FAM124A: variants seen among roughly 807,000 people sequenced by gnomAD.
The protein encoded by FAM124A is protein FAM124A.
Under a neutral mutation model 24.5 loss-of-function variants are expected in FAM124A, and 23 were observed. That is an observed-to-expected ratio of 0.94 (90% CI 0.68 to 1.33). The LOEUF (loss-of-function observed/expected upper bound fraction) is 1.33. Ranked by LOEUF, FAM124A falls within the 40% of genes most tolerant of loss-of-function variation. The pLI is 0.00. For missense variants in FAM124A, 623 were observed against 722.8 expected (o/e 0.86, Z 1.58); for synonymous variants, 287 against 314.7 (o/e 0.91, Z 0.93).
chr13:51,247,841 T>G (rs1167707227), intron 2 of FAM124A, among the ~76,000 whole-genome samples: 4 of 152,194 alleles, frequency 2.6e-5, no homozygotes, highest in South Asian at 2.1e-4. Flanking sequence ...GCAGAAAATT[T>G]CATCGCAGCT....
At chr13:51,224,577 C>T (rs1235876996) in intron 1 of FAM124A, among the ~76,000 whole-genome samples, 3 of 152,180 alleles carry the variant, frequency 2.0e-5, no homozygotes, top group Admixed American at 1.3e-4. Flanking sequence ...CATATATTCA[C>T]AGAGCCCTTG....
chr13:51,253,864 G>A (rs553216771), intron 3 of FAM124A, among the ~76,000 whole-genome samples: 72 of 152,276 alleles, frequency 4.7e-4, no homozygotes, highest in Admixed American at 2.2e-3. Context: ...TTGTATCTTG[G>A]GACTCAGGCA....
intron 2 of FAM124A, among the ~76,000 whole-genome samples, chr13:51,233,362 G>A (rs1248056577): frequency 6.6e-6 from 1 of 152,004 alleles, no homozygotes; most frequent in East Asian, 1.9e-4. Flanking sequence ...TGCCAGCTGA[G>A]CCATCCCCAC....
intron 3 of FAM124A, among the ~76,000 whole-genome samples, chr13:51,278,162 G>T (rs1954901749): frequency 6.6e-6 from 1 of 152,192 alleles, no homozygotes. Context: ...GCTGTCACTT[G>T]GAGCAGCTCA....
intron 2 of FAM124A, among the ~76,000 whole-genome samples, chr13:51,232,304 C>CTTAT (rs10678476): frequency 0.33 from 50,432 of 151,766 alleles, 8,599 homozygotes; most frequent in East Asian, 0.6. Context: ...TGATTGAATA[C>CTTAT]TTATTTTAAA....
chr13:51,252,268 C>A, intron 3 of FAM124A, 67 bp downstream of exon 3: 1 of 1,547,556 alleles, frequency 6.5e-7, no homozygotes, highest in South Asian at 1.2e-5. Flanking sequence ...GCCTCAAACA[C>A]TATAGTACCA....
In FAM124A at chr13:51,281,128, AC is replaced by A. The variant is rs1489581218; in HGVS notation, c.1516del (p.Leu506SerfsTer74). 6.2e-7 allele frequency: 1 copy of A among 1,613,540 alleles called. No homozygotes were observed. Among genetic ancestry groups the A allele is most frequent in the Non-Finnish European group, 8.5e-7 (1 of 1,179,890 alleles). The stretch of plus-strand genomic sequence containing the variant: ...TGCTCCCCCAGCTCCCAGCACCTCC[AC>A]CCTCACAGACTCCTCCCCACAGCTC... ...RAAPPAPSTS[T>X]LTDSSPQLPC... On this transcript the variant is annotated frameshift_variant, in exon 4 of 4. Transcript: ENST00000322475. LOFTEE classifies it low-confidence loss of function (END_TRUNC).
intron 3 of FAM124A, among the ~76,000 whole-genome samples, chr13:51,263,202 C>T (rs938074775): frequency 1.3e-5 from 2 of 152,232 alleles, no homozygotes; most frequent in African/African-American, 4.8e-5. Context: ...CGTCCATCTG[C>T]TCCTGAAAAG....
In FAM124A at chr13:51,235,025, C is replaced by T. The variant is rs970476560; in HGVS notation, c.100+3646C>T. On this transcript the variant is annotated intron_variant, in intron 2 of 3. Coordinates refer to ENST00000322475, the MANE Select transcript of FAM124A (RefSeq NM_001242312.2). ...ACTTCGCTGACTTGTCCTCTGTCCC[C>T]GTCCAGATCCGGGGGATGTGACCGG... 7.2e-5 allele frequency among the ~76,000 whole-genome samples: 11 copies of T among 152,314 alleles called. No individual in the cohort carries two copies. In the South Asian group the frequency reaches 1.0e-3, roughly 14 times the overall value.
At position 51,251,857 on chromosome 13, in the gene FAM124A, C is replaced by A. The variant is rs1265067339; in HGVS notation, c.490C>A (p.Pro164Thr). The A allele has an allele frequency of 6.2e-7, 1 of 1,612,944 alleles. No individual in the cohort carries two copies. Among genetic ancestry groups the A allele is most frequent in the Non-Finnish European group, 8.5e-7 (1 of 1,179,592 alleles). ...TGGGACGCCGCTTTGGGCCATCCGG[C>A]CCGTGCACTACGGCAAGGAAATCGT... is the stretch of plus-strand genomic sequence containing the variant. Reference protein sequence around the residue: ...APGTPLWAIRPVHYGKEIVRF... With the variant: ...APGTPLWAIRTVHYGKEIVRF... The change falls in exon 3 of 4, where the codon CCC (proline) becomes ACC (threonine). Residue 164 changes from proline to threonine, a missense_variant. Transcript: ENST00000322475. The surrounding 1 kb of genome is among the most constrained non-coding windows in gnomAD (Gnocchi z 5.3).
intron 3 of FAM124A, among the ~76,000 whole-genome samples, chr13:51,259,453 G>T (rs188279215): frequency 5.5e-4 from 84 of 151,936 alleles, no homozygotes; most frequent in Non-Finnish European, 4.0e-4. Context: ...CCTTCAGAAC[G>T]CAGGGTACCT....
At position 51,272,512 on chromosome 13, in the gene FAM124A, T is replaced by TA. The variant is rs1369798907; in HGVS notation, c.835-7935dup. Among the ~76,000 whole-genome samples the TA allele has an allele frequency of 6.6e-6, 1 of 151,786 alleles. No individual in the cohort carries two copies. The highest frequency in any genetic ancestry group is 1.5e-5 in the Non-Finnish European group (1 of 67,986). ...AAGCAATTGACAGGAGTCGACAAAT[T>TA]AAAGACCACAGGCCAAATCTGGCCT... On this transcript the variant is annotated intron_variant, in intron 3 of 3. Transcript: ENST00000322475. This position sits in a 1 kb window ranked among gnomAD's most constrained non-coding sequence, Gnocchi z 4.2.
chr13:51,276,813 A>C (rs1954889862), intron 3 of FAM124A, among the ~76,000 whole-genome samples: 1 of 152,228 alleles, frequency 6.6e-6, no homozygotes, highest in South Asian at 2.1e-4. Flanking sequence ...TCACGGGCTC[A>C]TTACACAGCA....
chr13:51,250,767 T>C (rs1265125082), intron 2 of FAM124A, among the ~76,000 whole-genome samples: 1 of 151,984 alleles, frequency 6.6e-6, no homozygotes, highest in Non-Finnish European at 1.5e-5. Context: ...GCTCTGGGGG[T>C]CATCCTTCCC....
chr13:51,242,751 A>G (rs1275947535), intron 2 of FAM124A, among the ~76,000 whole-genome samples: 4 of 152,182 alleles, frequency 2.6e-5, no homozygotes, highest in Non-Finnish European at 2.9e-5. Context: ...TATCTGCCTT[A>G]CTTTCTATAT....
intron 3 of FAM124A, among the ~76,000 whole-genome samples, chr13:51,268,090 G>C (rs1035780445): frequency 6.6e-6 from 1 of 152,244 alleles, no homozygotes; most frequent in Non-Finnish European, 1.5e-5. Flanking sequence ...GAAGGAACAG[G>C]ACTTGTTGTG....
At chr13:51,237,254 A>G (rs894152527) in intron 2 of FAM124A, among the ~76,000 whole-genome samples, 1 of 152,206 alleles carries the variant, frequency 6.6e-6, no homozygotes, top group African/African-American at 2.4e-5. Flanking sequence ...ATTGTTTGAT[A>G]TACTGTAGTA....
chr13:51,245,426 CT>C, intron 2 of FAM124A: 1 of 625,164 alleles, frequency 1.6e-6, no homozygotes, highest in Admixed American at 2.5e-5. Context: ...TCAGGTAGCC[CT>C]TTTCTATTGG....
rs751990289 is a variant in FAM124A at position 51,281,277 on chromosome 13, C to G, written c.*21C>G. 8 of 1,530,098 alleles carry G rather than the reference C, an allele frequency of 5.2e-6. No individual in the cohort carries two copies. The highest frequency in any genetic ancestry group is 1.7e-6 in the Non-Finnish European group (2 of 1,143,458). 94.8% of individuals were successfully genotyped at this position (1,530,098 alleles called of 1,614,324 possible). ...TCTGAATGCCCTCTGCTCTTGTTCT[C>G]GAAACACACAAACTCAGAGACACAG... On this transcript the variant is annotated 3_prime_UTR_variant, in exon 4 of 4. Coordinates refer to ENST00000322475, the MANE Select transcript of FAM124A (RefSeq NM_001242312.2).
Sources: gnomAD v4.1 joint callset for allele counts (sites outside exome capture counted in the v4.1 genomes callset) on GRCh38, gnomAD v4.1.1 for gene constraint, Gnocchi (gnomAD v3.1) non-coding constraint, MANE v1.5 for transcripts, NCBI Gene and HGNC (gene_info 2026-07-23, HGNC 2026-07-21) for gene names.